Variants in FER1L6 observed in about 807,000 individuals in gnomAD.
FER1L6 encodes fer-1 like family member 6, also known as fer-1-like protein 6.
Under a neutral mutation model 219.2 loss-of-function variants are expected in FER1L6, and 177 were observed. That is an observed-to-expected ratio of 0.81 (90% CI 0.71 to 0.91). The LOEUF is 0.91. Ranked by LOEUF, FER1L6 falls within the 40% of genes least tolerant of loss-of-function variation. FER1L6 has a pLI of 0.00. For missense variants in FER1L6, 2,153 were observed against 2,259.9 expected (o/e 0.95, Z 0.96); for synonymous variants, 768 against 824.3 (o/e 0.93, Z 1.17).
At chr8:124,006,217 C>A (rs1165996409) in intron 13 of FER1L6, among the ~76,000 whole-genome samples, 1 of 152,152 alleles carries the variant, frequency 6.6e-6, no homozygotes, top group African/African-American at 2.4e-5. Flanking sequence ...GATGGATTAG[C>A]CATTGTTGAC....
At chr8:124,081,110 T>A (rs763513569) in intron 32 of FER1L6, among the ~76,000 whole-genome samples, 1 of 152,182 alleles carries the variant, frequency 6.6e-6, no homozygotes, top group Admixed American at 6.5e-5. Context: ...CAGACAGCCC[T>A]GTGGACATGC....
intron 1 of FER1L6, among the ~76,000 whole-genome samples, chr8:123,854,610 G>A (rs944012767): frequency 6.6e-6 from 1 of 152,132 alleles, no homozygotes; most frequent in East Asian, 1.9e-4. Flanking sequence ...GGGACCGAAG[G>A]GTATCTTCTG....
chr8:123,972,369 A>G (rs1446590288), intron 6 of FER1L6, among the ~76,000 whole-genome samples: 1 of 152,248 alleles, frequency 6.6e-6, no homozygotes, highest in Non-Finnish European at 1.5e-5. Context: ...TTGAATATCT[A>G]TTGTGAACAA....
At chr8:123,961,435 A>G (rs1322031212) in intron 2 of FER1L6, among the ~76,000 whole-genome samples, 1 of 152,218 alleles carries the variant, frequency 6.6e-6, no homozygotes, top group Admixed American at 6.5e-5. Context: ...CATGACTTGA[A>G]ACATGTCTTT....
chr8:123,994,752 A>G (rs1379101061), intron 12 of FER1L6, among the ~76,000 whole-genome samples: 2 of 151,988 alleles, frequency 1.3e-5, no homozygotes, highest in Non-Finnish European at 2.9e-5. Context: ...ATTATTTTGT[A>G]CCTCTCAGCT....
In FER1L6 at chr8:123,975,189, C is replaced by T. The variant is rs1230103017; in HGVS notation, c.566C>T (p.Pro189Leu). ...FCNKWALLTDPGDIRTGTKGY... is the reference protein window; with the variant it reads ...FCNKWALLTDLGDIRTGTKGY... ...AACAAGTGGGCCCTGCTCACAGACC[C>T]TGGTGACATCAGGACTGGCACCAAG... The change falls in exon 8 of 41, where the codon CCT becomes CTT. Residue 189 changes from proline to leucine, a missense_variant. Physicochemically the swap from Pro to Leu is moderately conservative, Grantham distance 98. Coordinates refer to ENST00000522917, the MANE Select transcript of FER1L6 (RefSeq NM_001039112.2). 1 of 1,611,248 alleles carries T rather than the reference C, an allele frequency of 6.2e-7. No individual in the cohort carries two copies. The highest frequency in any genetic ancestry group is 1.7e-5 in the Admixed American group (1 of 59,872).
At chr8:124,110,765 G>A (rs965875028) in intron 39 of FER1L6, among the ~76,000 whole-genome samples, 3 of 152,118 alleles carry the variant, frequency 2.0e-5, no homozygotes, top group Non-Finnish European at 2.9e-5. Context: ...CATGGTCATC[G>A]AGATGACCAT....
At chr8:123,939,264 G>T in intron 1 of FER1L6, 1 of 909,686 alleles carries the variant, frequency 1.1e-6, no homozygotes, top group Non-Finnish European at 1.3e-6. Flanking sequence ...TTGTATTTTT[G>T]ATAAATTTTA....
In FER1L6 at chr8:123,903,383, G is replaced by A. The variant is rs767034592; in HGVS notation, c.-8+51198G>A. ...ATCCTAGAAAACGTAGCATTCCTAC[G>A]CATGATCGTAACATCGTTCTCAAAC... On this transcript the variant is annotated intron_variant, in intron 1 of 40. Transcript: ENST00000522917. 2.0e-5 allele frequency among the ~76,000 whole-genome samples: 3 copies of A among 152,234 alleles called. No homozygotes were observed. In the South Asian group the frequency reaches 6.2e-4, roughly 32 times the overall value.
rs1158805464 is a variant in FER1L6, at chr8:124,069,489, C to T, written c.3834+14C>T. 6.3e-7 allele frequency: 1 copy of T among 1,581,474 alleles called. No homozygotes were observed. Among genetic ancestry groups the T allele is most frequent in the East Asian group, 2.3e-5 (1 of 43,904 alleles). On this transcript the variant is annotated intron_variant, in intron 29 of 40. Transcript: ENST00000522917. ...GCCATCTTGCAGGTATGTGGGGACA[C>T]AGGCATCTCTGCCATGGATGGGGAG...
At position 123,852,855 on chromosome 8, in the gene FER1L6, T is replaced by C. The variant is rs867225458; in HGVS notation, c.-8+670T>C. On this transcript the variant is annotated intron_variant, in intron 1 of 40. Coordinates refer to ENST00000522917, the MANE Select transcript of FER1L6 (RefSeq NM_001039112.2). The surrounding 1 kb of genome is among the most constrained non-coding windows in gnomAD (Gnocchi z 4.9). ...TTTCCACGAATGTCTTTTTCTGTTC[T>C]AGGAGCCAGTCCAGAATCCCACATT... 2.0e-5 allele frequency among the ~76,000 whole-genome samples: 3 copies of C among 152,292 alleles called. No homozygotes were observed. Among genetic ancestry groups the C allele is most frequent in the Middle Eastern group, 3.4e-3 (1 of 294 alleles).
chr8:123,968,331 A>T (rs113942596), intron 5 of FER1L6, among the ~76,000 whole-genome samples: 66 of 152,282 alleles, frequency 4.3e-4, no homozygotes, highest in African/African-American at 1.3e-3. Flanking sequence ...AGAAACACAA[A>T]AGTTGATCTA....
intron 22 of FER1L6, among the ~76,000 whole-genome samples, chr8:124,050,560 C>T (rs1819965583): frequency 6.6e-6 from 1 of 152,126 alleles, no homozygotes; most frequent in Admixed American, 6.5e-5. Context: ...CCTGGTGGTA[C>T]TTCGCCTTTT....
chr8:124,047,095 G>A (rs942974894), intron 21 of FER1L6, among the ~76,000 whole-genome samples: 3 of 152,188 alleles, frequency 2.0e-5, no homozygotes, highest in Admixed American at 1.3e-4. Context: ...GCTTTCAATT[G>A]TTAGTGTTTA....
chr8:124,117,618 A>G (rs1823301105), intron 39 of FER1L6, among the ~76,000 whole-genome samples: 1 of 152,208 alleles, frequency 6.6e-6, no homozygotes, highest in Non-Finnish European at 1.5e-5. Flanking sequence ...ACTTTAACTC[A>G]TGATTTTACC....
chr8:124,058,429 T>C (rs1392545479), intron 22 of FER1L6, among the ~76,000 whole-genome samples: 1 of 152,246 alleles, frequency 6.6e-6, no homozygotes, highest in Non-Finnish European at 1.5e-5. Context: ...CCCTGGCCTA[T>C]GTGCTGAGTA....
rs567450149 is a variant in FER1L6 at position 123,961,994 on chromosome 8, A to G, written c.77-1284A>G. ...AATCTCCACCTACTGGGTTCAAGCG[A>G]TTCTTCTGCCTCAGCCTCCCGAGCA... On this transcript the variant is annotated intron_variant, in intron 2 of 40. Transcript: ENST00000522917. 2.0e-5 allele frequency among the ~76,000 whole-genome samples: 3 copies of G among 150,262 alleles called. No homozygotes were observed. In the East Asian group the frequency reaches 5.9e-4, roughly 30 times the overall value.
At chr8:123,936,195 C>T (rs182963382) in intron 1 of FER1L6, among the ~76,000 whole-genome samples, 11 of 152,186 alleles carry the variant, frequency 7.2e-5, no homozygotes, top group African/African-American at 1.4e-4. Context: ...ACGGTCCATA[C>T]GCTTTTAAAT....
rs117633508 is a variant in FER1L6 at position 124,045,405 on chromosome 8, G to A, written c.2590-362G>A. ...CCCAGAATTATTGTGAGGGTTGAAT[G>A]AGACAGTGCATGTGAAATTCAGCAC... On this transcript the variant is annotated intron_variant, in intron 20 of 40. Transcript: ENST00000522917. Among the ~76,000 whole-genome samples the A allele has an allele frequency of 3.9e-5, 6 of 152,328 alleles. No individual in the cohort carries two copies. The East Asian group carries it at 1.2e-3, about 29-fold the overall frequency.
Sources: allele counts gnomAD v4.1 joint callset (sites outside exome capture counted in the v4.1 genomes callset), GRCh38; gene constraint gnomAD v4.1.1; non-coding constraint Gnocchi (gnomAD v3.1); transcripts MANE v1.5; gene names NCBI Gene and HGNC (gene_info 2026-07-23, HGNC 2026-07-21).